ASB15: variants seen among roughly 807,000 people sequenced by gnomAD.
The protein encoded by ASB15 is ankyrin repeat and SOCS box containing 15, also known as ankyrin repeat and SOCS box protein 15.
A neutral mutation model predicts 58.0 loss-of-function variants in ASB15; 54 were observed. The observed-to-expected ratio is 0.93, with a 90% CI of 0.75 to 1.17. ASB15 has a LOEUF of 1.17. Ranked by LOEUF, ASB15 falls within the 50% of genes most tolerant of loss-of-function variation. The pLI is 0.00. For synonymous variants in ASB15, 249 were observed against 262.4 expected (o/e 0.95, Z 0.50); for missense variants, 680 against 707.4 (o/e 0.96, Z 0.44).
intron 2 of ASB15, among the ~76,000 whole-genome samples, chr7:123,608,346 T>G (rs560831073): frequency 6.6e-6 from 1 of 152,352 alleles, no homozygotes; most frequent in Non-Finnish European, 1.5e-5. Flanking sequence ...CAATTATTCA[T>G]TCATTTAGTA....
At chr7:123,597,458 A>G (rs773971068), upstream of ASB15, among the ~76,000 whole-genome samples, 21 of 152,148 alleles carry the variant, frequency 1.4e-4, no homozygotes, top group Non-Finnish European at 2.5e-4. Flanking sequence ...ATAAGTATCT[A>G]TGTATAGGAA....
chr7:123,583,107 T>C (rs1260352688), intron 1 of ASB15, among the ~76,000 whole-genome samples: 1 of 151,982 alleles, frequency 6.6e-6, no homozygotes, highest in Non-Finnish European at 1.5e-5. Context: ...GATAACATTG[T>C]AGACCTAGGT....
intron 1 of ASB15, among the ~76,000 whole-genome samples, chr7:123,568,952 A>G (rs1249812581): frequency 1.3e-5 from 2 of 152,238 alleles, no homozygotes; most frequent in Non-Finnish European, 2.9e-5. Context: ...AATAAACATG[A>G]TAAAATGGGG....
Position 123,617,747 on chromosome 7 carries a change from C to T in ASB15, c.451+10C>T. On this transcript the variant is annotated intron_variant, in intron 7 of 11. Coordinates refer to ENST00000451215, the MANE Select transcript of ASB15 (RefSeq NM_001290258.2). Reference sequence around the variant, plus strand: ...ACCCCCCTTCTGATTGGTAAATGACCTTTTTTTCTAGAACTTTTATAGTTT... The same window carrying T: ...ACCCCCCTTCTGATTGGTAAATGACTTTTTTTTCTAGAACTTTTATAGTTT... 2 of 1,594,974 alleles carry T rather than the reference C, an allele frequency of 1.3e-6. No homozygotes were observed. Among genetic ancestry groups the T allele is most frequent in the Non-Finnish European group, 8.6e-7 (1 of 1,168,394 alleles).
intron 1 of ASB15, among the ~76,000 whole-genome samples, chr7:123,579,180 C>T (rs1250841497): frequency 2.0e-5 from 3 of 152,022 alleles, no homozygotes; most frequent in African/African-American, 7.2e-5. Flanking sequence ...TATTAATTCA[C>T]TTAGGGTAAT....
At chr7:123,593,111 T>C (rs1168434217) in intron 1 of ASB15, among the ~76,000 whole-genome samples, 1 of 152,162 alleles carries the variant, frequency 6.6e-6, no homozygotes, top group East Asian at 1.9e-4. Flanking sequence ...TTTTTTTACT[T>C]TCCATTTGTT....
At chr7:123,599,800 G>A (rs1488620155), upstream of ASB15, among the ~76,000 whole-genome samples, 1 of 152,150 alleles carries the variant, frequency 6.6e-6, no homozygotes, top group African/African-American at 2.4e-5. Context: ...TTGGATGTCA[G>A]TGTCATTTTG....
chr7:123,623,985 AAGAAAGAAAG>A (rs1263658393), intron 7 of ASB15, among the ~76,000 whole-genome samples: 3 of 135,254 alleles, frequency 2.2e-5, no homozygotes, highest in African/African-American at 5.4e-5. Context: ...GAAAGAAAGA[AAGAAAGAAAG>A]AGAAAGGAAA....
chr7:123,572,572 G>T (rs1393474818), intron 1 of ASB15, among the ~76,000 whole-genome samples: 3 of 151,492 alleles, frequency 2.0e-5, no homozygotes, highest in Non-Finnish European at 2.9e-5. Context: ...CTTGGTGGTT[G>T]TTCCTTATAT....
At chr7:123,578,334 C>A (rs546632930) in intron 1 of ASB15, among the ~76,000 whole-genome samples, 14 of 151,798 alleles carry the variant, frequency 9.2e-5, no homozygotes, top group African/African-American at 3.4e-4. Context: ...CAGCAGTATT[C>A]CTGTGACTAG....
chr7:123,610,592 G>C (rs544744988), intron 3 of ASB15, among the ~76,000 whole-genome samples: 1 of 152,292 alleles, frequency 6.6e-6, no homozygotes, highest in Admixed American at 6.5e-5. Context: ...AAACCTCTGA[G>C]ATTCCATAAG....
At chr7:123,596,432 C>T (rs1799695043) in intron 1 of ASB15, 1 of 151,912 alleles carries the variant, frequency 6.6e-6, no homozygotes, top group Admixed American at 6.6e-5. Context: ...AAGGTCAAAC[C>T]CCATCTCTAC....
At chr7:123,611,801 A>G (rs1584772766) in intron 3 of ASB15, among the ~76,000 whole-genome samples, 2 of 152,038 alleles carry the variant, frequency 1.3e-5, no homozygotes, top group South Asian at 4.1e-4. Context: ...GCACCTTAGT[A>G]CACCTGCATG....
intron 7 of ASB15, 97 bp from the exon 8 acceptor site, chr7:123,624,472 A>G: frequency 8.5e-7 from 1 of 1,181,542 alleles, no homozygotes; most frequent in African/African-American, 1.6e-5. Flanking sequence ...GTTACTAGCT[A>G]GTATCTATTT....
intron 1 of ASB15, among the ~76,000 whole-genome samples, chr7:123,587,801 T>C (rs1799417339): frequency 6.6e-6 from 1 of 151,788 alleles, no homozygotes; most frequent in Non-Finnish European, 1.5e-5. Context: ...ATGATCATGA[T>C]TTTTATCCTC....
chr7:123,630,021 G>A lies in ASB15; in HGVS notation c.1496G>A (p.Arg499His), dbSNP rs778047017. ...AAGCACTTGGTAGGCAGAGTTACTCGTGTACTAATAGATTACATGGATTAT... is the reference window on the plus strand; with the variant it reads ...AAGCACTTGGTAGGCAGAGTTACTCATGTACTAATAGATTACATGGATTAT... ...WMKHLVGRVT[R>H]VLIDYMDYVP... The change falls in exon 11 of 12, where the codon CGT (arginine) becomes CAT (histidine). Residue 499 changes from arginine (R) to histidine (H), a missense_variant. Transcript: ENST00000451215. 16 of 1,602,406 alleles carry A rather than the reference G, an allele frequency of 1.0e-5. No homozygotes were observed. Among genetic ancestry groups the A allele is most frequent in the African/African-American group, 2.7e-5 (2 of 74,648 alleles).
At chr7:123,600,606 A>C (rs1191456982), upstream of ASB15, among the ~76,000 whole-genome samples, 1 of 152,250 alleles carries the variant, frequency 6.6e-6, no homozygotes, top group Non-Finnish European at 1.5e-5. Flanking sequence ...GATAAAATGT[A>C]GACAATGTAT....
At chr7:123,596,938 T>C (rs1799711088), upstream of ASB15, among the ~76,000 whole-genome samples, 2 of 152,194 alleles carry the variant, frequency 1.3e-5, no homozygotes, top group African/African-American at 2.4e-5. Context: ...TAGGCTTGGT[T>C]TATATTAAAT....
Position 123,632,029 on chromosome 7 carries a change from G to C in ASB15, c.1594+1910G>C, listed in dbSNP as rs540937781. On this transcript the variant is annotated intron_variant, in intron 11 of 11. Transcript: ENST00000451215. ...GGAGGCGGAGCTTGCAGTGAGCCGA[G>C]ATCGCCCCACTGCACTCCAGCCTGG... 2.6e-5 allele frequency among the ~76,000 whole-genome samples: 4 copies of C among 152,160 alleles called. No homozygotes were observed. In the East Asian group the frequency reaches 7.7e-4, roughly 29 times the overall value.
Sources: gnomAD v4.1 joint callset for allele counts (sites outside exome capture counted in the v4.1 genomes callset) on GRCh38, gnomAD v4.1.1 for gene constraint, MANE v1.5 for transcripts, NCBI Gene and HGNC (gene_info 2026-07-23, HGNC 2026-07-21) for gene names.